The following PRPF18 variants were observed in gnomAD, a reference collection of about 807,000 sequenced individuals.
The protein encoded by PRPF18 is pre-mRNA-splicing factor 18.
PRPF18 carries 38 observed loss-of-function variants against 46.5 expected under a neutral mutation model. That is an observed-to-expected ratio of 0.82 (90% CI 0.63 to 1.07). PRPF18 has a LOEUF of 1.07. Among genes scored for constraint, PRPF18 ranks in the 50% least tolerant of loss-of-function variants. PRPF18 has a pLI of 0.00. For synonymous variants in PRPF18, 152 were observed against 146.7 expected, an observed-to-expected ratio of 1.04 and a Z score of -0.26; for missense variants, 263 against 410.0, an observed-to-expected ratio of 0.64 and a Z score of 3.10.
At chr10:13,588,690 C>A (rs2079913636) in intron 1 of PRPF18, among the ~76,000 whole-genome samples, 1 of 152,114 alleles carries the variant, frequency 6.6e-6, no homozygotes, top group African/African-American at 2.4e-5. Context: ...TGTAGGCCTG[C>A]TCTTCACTGA....
intron 1 of PRPF18, among the ~76,000 whole-genome samples, chr10:13,595,255 A>G (rs538357051): frequency 6.6e-6 from 1 of 152,284 alleles, no homozygotes; most frequent in African/African-American, 2.4e-5. Context: ...CCTCTGAAAG[A>G]GCCTCTGTGG....
chr10:13,608,891 T>C (rs544761962), intron 4 of PRPF18, among the ~76,000 whole-genome samples: 2 of 152,356 alleles, frequency 1.3e-5, no homozygotes, highest in East Asian at 3.9e-4. Flanking sequence ...TTTACTCTAT[T>C]TGAACCTTAG....
At chr10:13,618,250 ATATT>A (rs2080373182) in intron 9 of PRPF18, among the ~76,000 whole-genome samples, 1 of 152,152 alleles carries the variant, frequency 6.6e-6, no homozygotes, top group African/African-American at 2.4e-5. Flanking sequence ...TAAAAATACA[ATATT>A]TAGGAAGGAA....
chr10:13,650,255 G>C, the PRPF18 span, among the ~76,000 whole-genome samples: 1 of 152,132 alleles, frequency 6.6e-6, no homozygotes. Context: ...CCAACTGGTG[G>C]CACATACTGG....
Position 13,602,509 on chromosome 10 carries a change from TG to T in PRPF18, c.249+2162del, listed in dbSNP as rs1201484471. ...ACGATGACATCAGTCTTTTTCATTA[TG>T]TTTTTTTTTTTGTCTTGAGCATCAT... On this transcript the variant is annotated intron_variant, in intron 3 of 9. Transcript: ENST00000378572. Among the ~76,000 whole-genome samples the T allele has an allele frequency of 9.9e-5, 15 of 150,850 alleles. 1 individual carries two copies. In the East Asian group the frequency reaches 2.7e-3, roughly 27 times the overall value.
chr10:13,630,172 T>C (rs902066806), intron 9 of PRPF18, 88 bp from the exon 10 acceptor site: 8 of 1,117,028 alleles, frequency 7.2e-6, no homozygotes, highest in Admixed American at 1.7e-5. Context: ...TATGGGGACA[T>C]TGACAAACTG....
At chr10:13,591,901 C>A in intron 1 of PRPF18, 1 of 1,413,304 alleles carries the variant, frequency 7.1e-7, no homozygotes, top group South Asian at 1.1e-5. Context: ...AATGCTGGTT[C>A]GCAGTTTTCT....
chr10:13,595,465 TA>T (rs764082218), intron 1 of PRPF18, among the ~76,000 whole-genome samples: 1 of 152,188 alleles, frequency 6.6e-6, no homozygotes, highest in African/African-American at 2.4e-5. Context: ...ATATGACAAT[TA>T]TATACTACCT....
chr10:13,640,032 C>A, the PRPF18 span: 1 of 152,238 alleles, frequency 6.6e-6, no homozygotes, highest in Non-Finnish European at 1.5e-5. Flanking sequence ...ACTCAAAGAT[C>A]ACCGCACCGT....
the PRPF18 span, chr10:13,651,736 G>T: frequency 1.6e-6 from 1 of 616,942 alleles, no homozygotes; most frequent in East Asian, 2.8e-5. Context: ...TAATTTTGAT[G>T]TAAGAACCTT....
At chr10:13,647,309 G>A in the PRPF18 span, 1 of 152,210 alleles carries the variant, frequency 6.6e-6, no homozygotes, top group Non-Finnish European at 1.5e-5. Context: ...TCTTCAGCGT[G>A]GCTGCATCCG....
In PRPF18 at chr10:13,611,586, G is replaced by T. The variant is rs1483194077; in HGVS notation, c.511-29G>T. 1 of 1,590,744 alleles carries T rather than the reference G, an allele frequency of 6.3e-7. No individual in the cohort carries two copies. On this transcript the variant is annotated intron_variant, in intron 5 of 9. Transcript: ENST00000378572. ...TGTTTAGTTGTTGCTCTGTATTAAT[G>T]AACAGAAGCATTGTTTCTTTTTCTT...
At chr10:13,605,865 G>T in intron 4 of PRPF18, 121 bp downstream of exon 4, 3 of 1,306,602 alleles carry the variant, frequency 2.3e-6, no homozygotes, top group Non-Finnish European at 3.0e-6. Context: ...TATTGCTGCT[G>T]AATGGAAGTT....
intron 3 of PRPF18, among the ~76,000 whole-genome samples, chr10:13,601,799 T>C (rs775488204): frequency 4.6e-5 from 7 of 152,214 alleles, no homozygotes; most frequent in Non-Finnish European, 1.0e-4. Context: ...AGGTAATGCA[T>C]GAAGAGAACA....
At chr10:13,633,871 A>G (rs1244310109), downstream of PRPF18, among the ~76,000 whole-genome samples, 4 of 152,204 alleles carry the variant, frequency 2.6e-5, no homozygotes, top group Admixed American at 2.6e-4. Flanking sequence ...AGCTGTCCAG[A>G]GCGCAAGAGC....
At chr10:13,625,075 T>C (rs1229831069) in intron 9 of PRPF18, among the ~76,000 whole-genome samples, 1 of 152,220 alleles carries the variant, frequency 6.6e-6, no homozygotes, top group African/African-American at 2.4e-5. Context: ...GGCTCATGCC[T>C]GTAATCCCAC....
the PRPF18 span, chr10:13,644,002 T>C: frequency 6.6e-6 from 1 of 152,668 alleles, no homozygotes; most frequent in Non-Finnish European, 1.5e-5. Context: ...TTAATGTATA[T>C]GTAAAACTTT....
intron 8 of PRPF18, 55 bp downstream of exon 8, chr10:13,614,141 G>T: frequency 7.9e-7 from 1 of 1,270,956 alleles, no homozygotes; most frequent in Non-Finnish European, 1.1e-6. Context: ...GGTTATGTAC[G>T]TAATATAATG....
chr10:13,628,865 C>T (rs1319345204), intron 9 of PRPF18, among the ~76,000 whole-genome samples: 2 of 152,146 alleles, frequency 1.3e-5, no homozygotes, highest in African/African-American at 2.4e-5. Context: ...TTCCCAAGAT[C>T]GTTTTGGAGA....
Sources: gnomAD v4.1 joint callset for allele counts (sites outside exome capture counted in the v4.1 genomes callset) on GRCh38, gnomAD v4.1.1 for gene constraint, MANE v1.5 for transcripts, NCBI Gene and HGNC (gene_info 2026-07-23, HGNC 2026-07-21) for gene names.